Variants in SYT9 observed in about 807,000 individuals in gnomAD.
SYT9 encodes the protein synaptotagmin 9, also known as synaptotagmin-9.
In SYT9, 22 loss-of-function variants were observed where a neutral mutation model predicts 48.4. The ratio of observed to expected loss-of-function variants is 0.45; its 90% confidence interval spans 0.32 to 0.65. The LOEUF (loss-of-function observed/expected upper bound fraction) is 0.65. SYT9 is among the 30% of genes least tolerant of loss of function. The pLI, the probability that SYT9 is intolerant of heterozygous loss-of-function variation, is 0.03. For missense variants in SYT9, 577 were observed against 622.0 expected (o/e 0.93, Z 0.77); for synonymous variants, 265 against 245.0 (o/e 1.08, Z -0.76).
chr11:7,272,790 A>G (rs1050351583), intron 1 of SYT9, among the ~76,000 whole-genome samples: 6 of 152,214 alleles, frequency 3.9e-5, no homozygotes, highest in African/African-American at 1.4e-4. Context: ...AGAAATAAAT[A>G]AGCTCTGAAG....
At chr11:7,293,722 T>C (rs1848734526) in intron 1 of SYT9, among the ~76,000 whole-genome samples, 1 of 152,146 alleles carries the variant, frequency 6.6e-6, no homozygotes, top group Non-Finnish European at 1.5e-5. Flanking sequence ...TCACAAAATA[T>C]AAATGATGGC....
chr11:7,368,591 C>A (rs1387488791), intron 3 of SYT9, among the ~76,000 whole-genome samples: 2 of 152,106 alleles, frequency 1.3e-5, no homozygotes, highest in Non-Finnish European at 2.9e-5. Context: ...GTTCAACTCC[C>A]AATTATGAGT....
chr11:7,257,589 T>C (rs962497106), intron 1 of SYT9, among the ~76,000 whole-genome samples: 11 of 152,140 alleles, frequency 7.2e-5, no homozygotes, highest in Admixed American at 5.9e-4. Flanking sequence ...TTGATTCAAA[T>C]TTTTCTAAGG....
At chr11:7,268,629 A>G (rs1848236915) in intron 1 of SYT9, among the ~76,000 whole-genome samples, 1 of 151,968 alleles carries the variant, frequency 6.6e-6, no homozygotes, top group South Asian at 2.1e-4. Flanking sequence ...TTGTTGTTTT[A>G]TATATATAAT....
At chr11:7,339,237 T>C (rs1849676719) in intron 3 of SYT9, among the ~76,000 whole-genome samples, 1 of 152,192 alleles carries the variant, frequency 6.6e-6, no homozygotes, top group East Asian at 1.9e-4. Context: ...TTTGAGGCTA[T>C]AGGTCTCATT....
At chr11:7,328,094 TAA>T (rs1229960356) in intron 3 of SYT9, among the ~76,000 whole-genome samples, 2 of 141,544 alleles carry the variant, frequency 1.4e-5, no homozygotes, top group Non-Finnish European at 3.1e-5. Context: ...ATAATAATAA[TAA>T]TAATTTTAAA....
upstream of SYT9, among the ~76,000 whole-genome samples, chr11:7,247,812 T>C (rs559837258): frequency 6.6e-6 from 1 of 152,080 alleles, no homozygotes; most frequent in South Asian, 2.1e-4. Context: ...CTTTTTCGTA[T>C]AATGACCTCT....
chr11:7,339,628 T>C (rs1849682395), intron 3 of SYT9, among the ~76,000 whole-genome samples: 1 of 152,214 alleles, frequency 6.6e-6, no homozygotes, highest in East Asian at 1.9e-4. Context: ...TTTGGTTGGA[T>C]ATGAAATTCC....
At chr11:7,427,429 G>A (rs1324808260) in intron 6 of SYT9, 1 of 152,154 alleles carries the variant, frequency 6.6e-6, no homozygotes, top group Non-Finnish European at 1.5e-5. Flanking sequence ...GAATCATGAG[G>A]GTCCCCCTCT....
At chr11:7,251,132 A>ACACACC (rs146134507), upstream of SYT9, among the ~76,000 whole-genome samples, 1,799 of 127,882 alleles carry the variant, frequency 0.014, 36 homozygotes, top group South Asian at 0.13. Context: ...ACACACACAC[A>ACACACC]CCCAGAGTAC....
intron 1 of SYT9, among the ~76,000 whole-genome samples, chr11:7,292,689 C>G (rs1424153535): frequency 6.6e-6 from 1 of 152,222 alleles, no homozygotes; most frequent in East Asian, 1.9e-4. Flanking sequence ...GTCTAAAACT[C>G]TGCACATCAG....
chr11:7,452,375 T>G (rs552416381), intron 6 of SYT9, among the ~76,000 whole-genome samples: 1 of 152,332 alleles, frequency 6.6e-6, no homozygotes, highest in East Asian at 1.9e-4. Context: ...TCTCTGACTC[T>G]GTCCACTGCT....
chr11:7,240,968 C>T (rs1166575149), intron 1 of SYT9, among the ~76,000 whole-genome samples: 2 of 152,116 alleles, frequency 1.3e-5, no homozygotes, highest in South Asian at 4.1e-4. Context: ...TAAGACCTCA[C>T]CTTGGCTCAC....
At chr11:7,331,997 C>T (rs1263183729) in intron 3 of SYT9, among the ~76,000 whole-genome samples, 1 of 152,142 alleles carries the variant, frequency 6.6e-6, no homozygotes, top group Non-Finnish European at 1.5e-5. Flanking sequence ...ATGAAGGAAA[C>T]TAAAATAGCT....
At chr11:7,307,673 C>T (rs1002110840) in intron 2 of SYT9, among the ~76,000 whole-genome samples, 5 of 152,146 alleles carry the variant, frequency 3.3e-5, no homozygotes, top group African/African-American at 1.2e-4. Context: ...GAAGATTAAT[C>T]TGGAAAGAAT....
At chr11:7,296,114 A>G (rs936707119) in intron 1 of SYT9, among the ~76,000 whole-genome samples, 6 of 152,234 alleles carry the variant, frequency 3.9e-5, no homozygotes, top group Non-Finnish European at 5.9e-5. Context: ...AAACAGAAAC[A>G]ATAACTTACA....
chr11:7,265,826 A>G (rs957984299), intron 1 of SYT9, among the ~76,000 whole-genome samples: 1 of 152,126 alleles, frequency 6.6e-6, no homozygotes, highest in Non-Finnish European at 1.5e-5. Flanking sequence ...CTTTATCGCT[A>G]GGCAAGTAAT....
chr11:7,461,543 T>G (rs1156464493), intron 6 of SYT9, among the ~76,000 whole-genome samples: 1 of 152,148 alleles, frequency 6.6e-6, no homozygotes, highest in East Asian at 1.9e-4. Flanking sequence ...CAGCTAATTT[T>G]TGTATTTTTA....
At chr11:7,240,524 C>T (rs182104442) in intron 1 of SYT9, among the ~76,000 whole-genome samples, 12 of 152,232 alleles carry the variant, frequency 7.9e-5, no homozygotes, top group African/African-American at 2.9e-4. Context: ...AACCAGCCTC[C>T]ACAAACAAGC....
Sources: gnomAD v4.1 joint callset for allele counts (sites outside exome capture counted in the v4.1 genomes callset) on GRCh38, gnomAD v4.1.1 for gene constraint, MANE v1.5 for transcripts, NCBI Gene and HGNC (gene_info 2026-07-23, HGNC 2026-07-21) for gene names.